GRID2: variants seen among roughly 807,000 people sequenced by gnomAD.
GRID2 encodes glutamate ionotropic receptor delta type subunit 2.
GRID2 carries 33 observed loss-of-function variants against 114.8 expected under a neutral mutation model. The observed-to-expected ratio is 0.29, with a 90% CI of 0.22 to 0.38. The LOEUF (loss-of-function observed/expected upper bound fraction) is 0.38. Among genes scored for constraint, GRID2 ranks in the 10% least tolerant of loss-of-function variants. GRID2 has a pLI of 1.00. For synonymous variants in GRID2, 505 were observed against 449.9 expected, an observed-to-expected ratio of 1.12 and a Z score of -1.55; for missense variants, 1,184 against 1,257.7, an observed-to-expected ratio of 0.94 and a Z score of 0.89.
intron 1 of GRID2, among the ~76,000 whole-genome samples, chr4:92,462,540 T>C (rs1258558834): frequency 6.6e-6 from 1 of 151,928 alleles, no homozygotes; most frequent in African/African-American, 2.4e-5. Context: ...TATTTAAAAA[T>C]ATTTTTTGTT....
At chr4:92,695,478 A>G (rs941653033) in intron 2 of GRID2, among the ~76,000 whole-genome samples, 3 of 152,216 alleles carry the variant, frequency 2.0e-5, no homozygotes, top group African/African-American at 7.2e-5. Flanking sequence ...TTATCTGAAT[A>G]ATTTTTACAA....
chr4:93,285,743 G>A (rs927016350), intron 8 of GRID2, among the ~76,000 whole-genome samples: 6 of 151,958 alleles, frequency 3.9e-5, no homozygotes, highest in African/African-American at 9.7e-5. Flanking sequence ...TTAAAATTCT[G>A]TCTTTTTAAA....
At chr4:92,371,659 C>T (rs1225666164) in intron 1 of GRID2, among the ~76,000 whole-genome samples, 2 of 152,112 alleles carry the variant, frequency 1.3e-5, no homozygotes, top group Admixed American at 1.3e-4. Context: ...GACTTGACGG[C>T]TCTGATGGAG....
At chr4:92,668,578 A>G (rs1029885315) in intron 2 of GRID2, among the ~76,000 whole-genome samples, 9 of 151,832 alleles carry the variant, frequency 5.9e-5, no homozygotes, top group African/African-American at 2.2e-4. Flanking sequence ...AACTAGGTAG[A>G]TTTTAGTTGA....
At chr4:92,580,529 TAA>T (rs1362819908) in intron 1 of GRID2, among the ~76,000 whole-genome samples, 1 of 151,930 alleles carries the variant, frequency 6.6e-6, no homozygotes, top group African/African-American at 2.4e-5. Flanking sequence ...TTCAGATAGG[TAA>T]AATGATTTTT....
chr4:93,676,942 A>C (rs1354593319), intron 14 of GRID2, among the ~76,000 whole-genome samples: 1 of 152,088 alleles, frequency 6.6e-6, no homozygotes, highest in Non-Finnish European at 1.5e-5. Context: ...CAGTGGGTGC[A>C]GCGCTCCATG....
chr4:93,187,338 G>C (rs1417127727), intron 4 of GRID2, among the ~76,000 whole-genome samples: 2 of 151,976 alleles, frequency 1.3e-5, no homozygotes, highest in Non-Finnish European at 2.9e-5. Context: ...GTGCAGTGGT[G>C]TGATCTCGGC....
downstream of GRID2, among the ~76,000 whole-genome samples, chr4:93,779,031 A>G (rs537825806): frequency 2.6e-5 from 4 of 152,306 alleles, no homozygotes; most frequent in African/African-American, 7.2e-5. Flanking sequence ...AGTAAAAATG[A>G]CCATAAACTG....
At chr4:92,387,499 C>G (rs1730021659) in intron 1 of GRID2, among the ~76,000 whole-genome samples, 1 of 151,884 alleles carries the variant, frequency 6.6e-6, no homozygotes, top group Admixed American at 6.6e-5. Flanking sequence ...AGGGATATTT[C>G]TTGAGGATGA....
At chr4:92,340,479 T>A (rs1727426744) in intron 1 of GRID2, among the ~76,000 whole-genome samples, 1 of 152,202 alleles carries the variant, frequency 6.6e-6, no homozygotes, top group African/African-American at 2.4e-5. Flanking sequence ...CACTCTCAGA[T>A]GTGCTTCCTG....
At chr4:92,491,195 C>A (rs1449337568) in intron 1 of GRID2, among the ~76,000 whole-genome samples, 1 of 151,964 alleles carries the variant, frequency 6.6e-6, no homozygotes, top group Non-Finnish European at 1.5e-5. Flanking sequence ...TGGATAAGAA[C>A]ATTTATTTGT....
intron 14 of GRID2, among the ~76,000 whole-genome samples, chr4:93,717,408 T>TG (rs1176525219): frequency 4.6e-5 from 6 of 130,290 alleles, no homozygotes; most frequent in African/African-American, 8.0e-5. Flanking sequence ...CTGTAATAGG[T>TG]GTTTTTTTTT....
At position 93,638,309 on chromosome 4, in the gene GRID2, T is replaced by TAA. The variant is rs1193983175; in HGVS notation, c.2360+11874_2360+11875insAA. On this transcript the variant is annotated intron_variant, in intron 14 of 15. Coordinates refer to ENST00000282020, the MANE Select transcript of GRID2 (RefSeq NM_001510.4). ...ATATTTAAAACTTGCATCTTTTTTT[T>TAA]TTTTTTTTTTAATTATACTCTAAGT... is the stretch of plus-strand genomic sequence containing the variant. Among the ~76,000 whole-genome samples, 18 of 88,156 alleles carry TAA rather than the reference T, an allele frequency of 2.0e-4. 7 individuals carry two copies. The highest frequency in any genetic ancestry group is 1.2e-3 in the South Asian group (4 of 3,414). 57.8% of individuals were successfully genotyped at this position (88,156 alleles called of 152,430 possible).
At chr4:93,486,346 T>G (rs914000183) in intron 11 of GRID2, among the ~76,000 whole-genome samples, 1 of 151,638 alleles carries the variant, frequency 6.6e-6, no homozygotes, top group African/African-American at 2.4e-5. Flanking sequence ...TTTTTCTGAT[T>G]TTTTTTCTTG....
At chr4:93,279,541 C>A (rs1479513574) in intron 8 of GRID2, among the ~76,000 whole-genome samples, 1 of 151,472 alleles carries the variant, frequency 6.6e-6, no homozygotes. Flanking sequence ...TAATATAATT[C>A]TATAAATTGG....
chr4:92,807,902 T>A (rs1370564481), intron 2 of GRID2, among the ~76,000 whole-genome samples: 1 of 152,034 alleles, frequency 6.6e-6, no homozygotes, highest in African/African-American at 2.4e-5. Context: ...GGCAGAATAA[T>A]GTCTCCCCAA....
At chr4:93,530,481 A>G (rs990643597) in intron 13 of GRID2, among the ~76,000 whole-genome samples, 3 of 152,076 alleles carry the variant, frequency 2.0e-5, no homozygotes, top group Non-Finnish European at 4.4e-5. Context: ...CATATCAGGT[A>G]TTGCTCATTT....
At chr4:92,834,163 G>T (rs893546242) in intron 2 of GRID2, among the ~76,000 whole-genome samples, 3 of 152,098 alleles carry the variant, frequency 2.0e-5, no homozygotes, top group African/African-American at 7.2e-5. Flanking sequence ...TGCAATGTAA[G>T]AAACAAATGC....
At chr4:92,570,242 C>T (rs377445416) in intron 1 of GRID2, among the ~76,000 whole-genome samples, 4 of 151,404 alleles carry the variant, frequency 2.6e-5, no homozygotes, top group African/African-American at 9.7e-5. Flanking sequence ...TGTTTTTCTC[C>T]TTTATCAAAG....
Sources: allele counts gnomAD v4.1 joint callset (sites outside exome capture counted in the v4.1 genomes callset), GRCh38; gene constraint gnomAD v4.1.1; transcripts MANE v1.5; gene names NCBI Gene and HGNC (gene_info 2026-07-23, HGNC 2026-07-21).